Variants in STEAP1B observed in about 807,000 individuals in gnomAD.
STEAP1B encodes the protein STEAP family protein MGC87042.
Under a neutral mutation model 27.9 loss-of-function variants are expected in STEAP1B, and 13 were observed. That is an observed-to-expected ratio of 0.47 (90% CI 0.30 to 0.74). The LOEUF (loss-of-function observed/expected upper bound fraction) is 0.74. Ranked by LOEUF, STEAP1B falls within the 30% of genes least tolerant of loss-of-function variation. The pLI is 0.06. For missense variants in STEAP1B, 250 were observed against 298.7 expected (o/e 0.84, Z 1.20); for synonymous variants, 86 against 107.1 (o/e 0.80, Z 1.22).
At chr7:22,484,156 C>T (rs1344651340) in intron 4 of STEAP1B, among the ~76,000 whole-genome samples, 1 of 152,208 alleles carries the variant, frequency 6.6e-6, no homozygotes, top group Non-Finnish European at 1.5e-5. Flanking sequence ...TAGCTAGGAT[C>T]ATTGAAGCAG....
intron 4 of STEAP1B, among the ~76,000 whole-genome samples, chr7:22,454,864 T>TATATATATAA (rs1785552180): frequency 1.5e-5 from 1 of 65,800 alleles, no homozygotes; most frequent in African/African-American, 7.7e-5. Context: ...TATATATATA[T>TATATATATAA]ATTTTTTTTT....
chr7:22,419,677 G>A lies in STEAP1B; in HGVS notation c.*127C>T, dbSNP rs1043354718. 38 of 1,097,854 alleles carry A rather than the reference G, an allele frequency of 3.5e-5. No individual in the cohort carries two copies. The highest frequency in any genetic ancestry group is 5.7e-5 in the East Asian group (2 of 35,056). The allele number at this position is 1,097,854 out of a possible 1,614,324, so 68.0% of individuals were successfully genotyped here. On this transcript the variant is annotated 3_prime_UTR_variant, in exon 5 of 5. Transcript: ENST00000678116. ...CCGGATCCATGTTGACAGAGCAGCC[G>A]TCACCTGCAGCATGGCTGTTCATTG... is the stretch of plus-strand genomic sequence containing the variant.
intron 4 of STEAP1B, chr7:22,492,349 G>GAAAAAAAAAA (rs1371957621): frequency 1.5e-4 from 28 of 185,124 alleles, no homozygotes; most frequent in African/African-American, 4.6e-4. Flanking sequence ...AAAAAAAAAG[G>GAAAAAAAAAA]ATATTTTAAT....
At chr7:22,438,335 T>C (rs1168583886) in intron 4 of STEAP1B, 2 of 922,048 alleles carry the variant, frequency 2.2e-6, no homozygotes, top group Non-Finnish European at 3.2e-6. Flanking sequence ...ACATGTTTTA[T>C]TTTTCTACAT....
intron 4 of STEAP1B, among the ~76,000 whole-genome samples, chr7:22,425,531 T>G (rs929355539): frequency 6.6e-6 from 1 of 152,336 alleles, no homozygotes; most frequent in African/African-American, 2.4e-5. Context: ...CAAAACTGAT[T>G]GACTGAACTT....
At chr7:22,492,156 T>G (rs1054821228) in intron 4 of STEAP1B, among the ~76,000 whole-genome samples, 1 of 151,250 alleles carries the variant, frequency 6.6e-6, no homozygotes, top group African/African-American at 2.4e-5. Context: ...CTGTCTCTAC[T>G]AAAAATACAA....
chr7:22,436,711 A>G (rs1476758697), intron 4 of STEAP1B, among the ~76,000 whole-genome samples: 1 of 152,190 alleles, frequency 6.6e-6, no homozygotes, highest in Non-Finnish European at 1.5e-5. Flanking sequence ...ATGTCCCTGT[A>G]AAGGACATGC....
chr7:22,457,110 C>G (rs894662601), intron 4 of STEAP1B, among the ~76,000 whole-genome samples: 5 of 151,178 alleles, frequency 3.3e-5, no homozygotes, highest in Non-Finnish European at 7.4e-5. Flanking sequence ...GGCCGAGTCT[C>G]TAAATGTCCT....
chr7:22,493,698 T>C lies in STEAP1B; in HGVS notation c.223A>G (p.Ile75Val), dbSNP rs553813727. ...QELFPQWHLP[I>V]KIAAVMASLT... ...GATGCCATAACAGCAGCTATTTTAATTGGCAAGTGCCACTGTGGAAAGAGT... is the reference window on the plus strand; with the variant it reads ...GATGCCATAACAGCAGCTATTTTAACTGGCAAGTGCCACTGTGGAAAGAGT... The change falls in exon 3 of 5, where the codon ATT becomes GTT. Residue 75 changes from isoleucine to valine, a missense_variant. Transcript: ENST00000678116. 19 of 1,614,000 alleles carry C rather than the reference T, an allele frequency of 1.2e-5. 1 individual carries two copies. The Admixed American group carries it at 2.5e-4, about 21-fold the overall frequency.
chr7:22,469,518 T>C (rs1383370084), intron 4 of STEAP1B, among the ~76,000 whole-genome samples: 1 of 152,240 alleles, frequency 6.6e-6, no homozygotes, highest in Non-Finnish European at 1.5e-5. Flanking sequence ...CTTCCAGTCC[T>C]GCCAGCTCTA....
At chr7:22,444,251 T>C (rs1280571361) in intron 4 of STEAP1B, among the ~76,000 whole-genome samples, 1 of 152,154 alleles carries the variant, frequency 6.6e-6, no homozygotes, top group Non-Finnish European at 1.5e-5. Context: ...CATTGGGCTA[T>C]TGTGAGGACT....
intron 4 of STEAP1B, among the ~76,000 whole-genome samples, chr7:22,428,119 G>A (rs1373472317): frequency 6.6e-6 from 1 of 152,166 alleles, no homozygotes; most frequent in Non-Finnish European, 1.5e-5. Context: ...AATCTGCCCT[G>A]AGAAGTGAGC....
At chr7:22,482,562 C>G (rs1198002559) in intron 4 of STEAP1B, among the ~76,000 whole-genome samples, 1 of 152,216 alleles carries the variant, frequency 6.6e-6, no homozygotes, top group Non-Finnish European at 1.5e-5. Flanking sequence ...AGTAGACCCA[C>G]AATGGGGCCA....
At chr7:22,486,101 C>G (rs1269667663) in intron 4 of STEAP1B, among the ~76,000 whole-genome samples, 1 of 152,212 alleles carries the variant, frequency 6.6e-6, no homozygotes. Context: ...GCACCTCAGA[C>G]CAATTACAGC....
chr7:22,467,470 G>A (rs1156625504), intron 4 of STEAP1B, among the ~76,000 whole-genome samples: 2 of 152,122 alleles, frequency 1.3e-5, no homozygotes. Flanking sequence ...GTTAAATACT[G>A]ATATGGTTTG....
At position 22,420,383 on chromosome 7, in the gene STEAP1B, AT is replaced by A. The variant is rs61612908; in HGVS notation, c.763-548del. 5.5e-3 allele frequency among the ~76,000 whole-genome samples: 833 copies of A among 152,230 alleles called. 6 individuals carry two copies. The highest frequency in any genetic ancestry group is 0.019 in the African/African-American group (774 of 41,516). On this transcript the variant is annotated intron_variant, in intron 4 of 4. Coordinates refer to ENST00000678116, the MANE Select transcript of STEAP1B (RefSeq NM_001382447.1). ...CTCAATCCATGGTGTTCTCCCTTGG[AT>A]TGTTGAAGTTTCCACCCAATAGTAT...
intron 4 of STEAP1B, among the ~76,000 whole-genome samples, chr7:22,436,089 C>T (rs1314755682): frequency 6.6e-6 from 1 of 152,086 alleles, no homozygotes; most frequent in Non-Finnish European, 1.5e-5. Flanking sequence ...CTTGTTCCTA[C>T]TGTGTAAAAT....
chr7:22,463,924 A>G (rs1785724983), intron 4 of STEAP1B, among the ~76,000 whole-genome samples: 2 of 151,892 alleles, frequency 1.3e-5, no homozygotes, highest in African/African-American at 4.8e-5. Context: ...AAACACCAAA[A>G]GCAATGGCAA....
intron 4 of STEAP1B, among the ~76,000 whole-genome samples, chr7:22,459,023 T>G (rs1785635321): frequency 6.6e-6 from 1 of 151,940 alleles, no homozygotes. Flanking sequence ...ACAAAAATAA[T>G]AAAGAAGAGA....
Sources: allele counts gnomAD v4.1 joint callset (sites outside exome capture counted in the v4.1 genomes callset), GRCh38; gene constraint gnomAD v4.1.1; transcripts MANE v1.5; gene names NCBI Gene and HGNC (gene_info 2026-07-23, HGNC 2026-07-21).